Variants in CAST observed in about 807,000 individuals in gnomAD.
CAST encodes the protein calpastatin.
CAST carries 76 observed loss-of-function variants against 119.6 expected under a neutral mutation model. The observed-to-expected ratio is 0.64, with a 90% CI of 0.53 to 0.77. The LOEUF is 0.77. CAST is among the 30% of genes least tolerant of loss of function. CAST has a pLI of 0.00. For missense variants in CAST, 953 were observed against 946.5 expected (o/e 1.01, Z -0.09); for synonymous variants, 319 against 331.6 (o/e 0.96, Z 0.41).
chr5:95,982,680 C>A, the CAST span, among the ~76,000 whole-genome samples: 1 of 152,180 alleles, frequency 6.6e-6, no homozygotes, highest in Non-Finnish European at 1.5e-5. Flanking sequence ...ACTTGGCTGG[C>A]TTTGGGTGCA....
At chr5:96,017,938 A>C in the CAST span, among the ~76,000 whole-genome samples, 2 of 152,180 alleles carry the variant, frequency 1.3e-5, no homozygotes, top group Non-Finnish European at 2.9e-5. Flanking sequence ...AACCACATCC[A>C]TCTTGTTTTG....
At chr5:96,164,695 A>C in the CAST span, among the ~76,000 whole-genome samples, 1 of 152,238 alleles carries the variant, frequency 6.6e-6, no homozygotes, top group Non-Finnish European at 1.5e-5. Context: ...ACCAGAGTAC[A>C]GAAGGGAAGC....
chr5:96,257,170 A>C, the CAST span, among the ~76,000 whole-genome samples: 1 of 152,298 alleles, frequency 6.6e-6, no homozygotes, highest in South Asian at 2.1e-4. Flanking sequence ...TTGATGAAGA[A>C]GAGAGTTCTG....
the CAST span, among the ~76,000 whole-genome samples, chr5:96,035,024 AT>A: frequency 1.4e-5 from 2 of 140,760 alleles, no homozygotes; most frequent in Non-Finnish European, 3.0e-5. Flanking sequence ...AATGATGGAC[AT>A]TTAAGTTGTA....
At chr5:96,243,922 C>G in the CAST span, among the ~76,000 whole-genome samples, 5 of 152,290 alleles carry the variant, frequency 3.3e-5, no homozygotes, top group African/African-American at 1.2e-4. Flanking sequence ...AATTACCTAC[C>G]TCATAAAACT....
the CAST span, among the ~76,000 whole-genome samples, chr5:96,457,473 G>A: frequency 6.6e-6 from 1 of 152,004 alleles, no homozygotes; most frequent in South Asian, 2.1e-4. Context: ...ATTGACTAAC[G>A]AGGCCCTGGA....
Position 96,763,181 on chromosome 5 carries a change from C to G in CAST, c.1932+809C>G, listed in dbSNP as rs147841474. 864 of 780,676 alleles carry G rather than the reference C, an allele frequency of 1.1e-3. 4 individuals carry two copies. In the African/African-American group the frequency reaches 0.013, roughly 12 times the overall value. 48.4% of individuals were successfully genotyped at this position (780,676 alleles called of 1,614,324 possible). ...ATCAAAGCATATTTAGTGCTGTAGTCTGAGATTCTGATGGATTTTCATCCT... is the reference window on the plus strand; with the variant it reads ...ATCAAAGCATATTTAGTGCTGTAGTGTGAGATTCTGATGGATTTTCATCCT... On this transcript the variant is annotated intron_variant, in intron 25 of 31. Transcript: ENST00000675179.
the CAST span, among the ~76,000 whole-genome samples, chr5:96,075,648 A>C: frequency 6.6e-6 from 1 of 152,220 alleles, no homozygotes; most frequent in African/African-American, 2.4e-5. Flanking sequence ...TAGAGTTTTC[A>C]AAGTATTGAG....
At chr5:96,217,028 A>G in the CAST span, among the ~76,000 whole-genome samples, 3 of 151,848 alleles carry the variant, frequency 2.0e-5, no homozygotes, top group Non-Finnish European at 4.4e-5. Context: ...AAGTAATAAA[A>G]TTATTATTTT....
chr5:96,518,767 C>T, the CAST span, among the ~76,000 whole-genome samples: 22 of 152,298 alleles, frequency 1.4e-4, no homozygotes, highest in East Asian at 3.1e-3. Flanking sequence ...GTAATCCCAG[C>T]ACTTTAGGAG....
the CAST span, among the ~76,000 whole-genome samples, chr5:96,305,832 A>G: frequency 6.6e-6 from 1 of 152,230 alleles, no homozygotes; most frequent in African/African-American, 2.4e-5. Context: ...AAGCTATTTG[A>G]TGTGCTGCTA....
At chr5:96,464,261 TA>T in the CAST span, among the ~76,000 whole-genome samples, 1 of 152,038 alleles carries the variant, frequency 6.6e-6, no homozygotes, top group African/African-American at 2.4e-5. Flanking sequence ...CCTTTTGAAA[TA>T]GATATTATAA....
chr5:96,114,385 GA>G, the CAST span, among the ~76,000 whole-genome samples: 3 of 152,154 alleles, frequency 2.0e-5, no homozygotes, highest in African/African-American at 7.2e-5. Context: ...TATGTACATT[GA>G]AGTTTGAGAG....
At chr5:96,051,766 T>C in the CAST span, among the ~76,000 whole-genome samples, 3 of 152,174 alleles carry the variant, frequency 2.0e-5, no homozygotes, top group Non-Finnish European at 4.4e-5. Flanking sequence ...CCACCGTTCT[T>C]AGTAGTCCCA....
chr5:96,113,116 C>G, the CAST span, among the ~76,000 whole-genome samples: 4 of 152,154 alleles, frequency 2.6e-5, no homozygotes, highest in Non-Finnish European at 5.9e-5. Flanking sequence ...ATTGATTTAT[C>G]TCTACATTGA....
chr5:96,457,672 T>C, the CAST span, among the ~76,000 whole-genome samples: 2 of 152,254 alleles, frequency 1.3e-5, no homozygotes, highest in African/African-American at 4.8e-5. Context: ...CTTGGCATTC[T>C]TGACTCTCTT....
At chr5:95,962,078 T>C in the CAST span, 1 of 395,686 alleles carries the variant, frequency 2.5e-6, no homozygotes, top group African/African-American at 2.1e-5. Context: ...CTTAATCATG[T>C]CTGACGTCAC....
At chr5:96,293,466 A>G in the CAST span, among the ~76,000 whole-genome samples, 1 of 151,634 alleles carries the variant, frequency 6.6e-6, no homozygotes, top group African/African-American at 2.4e-5. Flanking sequence ...TTTAGTAGAG[A>G]TGGGCTTTAC....
At chr5:96,412,292 A>G in the CAST span, 14 of 1,600,984 alleles carry the variant, frequency 8.7e-6, no homozygotes, top group Non-Finnish European at 1.2e-5. Context: ...GTTTCATTTC[A>G]TGTGGGTCTG....
Sources: allele counts gnomAD v4.1 joint callset (sites outside exome capture counted in the v4.1 genomes callset), GRCh38; gene constraint gnomAD v4.1.1; transcripts MANE v1.5; gene names NCBI Gene and HGNC (gene_info 2026-07-23, HGNC 2026-07-21).